The following MAGI2 variants were observed in gnomAD, a reference collection of about 807,000 sequenced individuals.
MAGI2 encodes the protein membrane associated guanylate kinase, WW and PDZ domain containing 2.
Under a neutral mutation model 133.3 loss-of-function variants are expected in MAGI2, and 35 were observed. That is an observed-to-expected ratio of 0.26 (90% confidence interval 0.20 to 0.35). The LOEUF is 0.35. MAGI2 is among the 10% of genes least tolerant of loss of function. The probability of loss-of-function intolerance (pLI) is 1.00; values close to 1 mark genes in which losing one functional copy is unlikely to be tolerated. For synonymous variants in MAGI2, 729 were observed against 710.6 expected (o/e 1.03, Z -0.41); for missense variants, 1,636 against 1,863.4 (o/e 0.88, Z 2.25).
intron 1 of MAGI2, among the ~76,000 whole-genome samples, chr7:79,089,675 AAACCCTCATTCTCAGCAAACT>A (rs1254970123): frequency 5.3e-5 from 8 of 152,126 alleles, no homozygotes; most frequent in African/African-American, 9.7e-5. Flanking sequence ...ATGAAGCTGG[AAACCCTCATTCTCAGCAAACT>A]AACCCTCATT....
intron 2 of MAGI2, among the ~76,000 whole-genome samples, chr7:78,701,811 C>T (rs925921049): frequency 4.6e-5 from 7 of 151,966 alleles, no homozygotes; most frequent in East Asian, 1.9e-4. Context: ...CTTATAATCA[C>T]GTTTTCACTT....
intron 2 of MAGI2, among the ~76,000 whole-genome samples, chr7:78,998,591 T>C (rs1051986841): frequency 2.6e-5 from 4 of 152,314 alleles, no homozygotes; most frequent in Admixed American, 2.0e-4. Flanking sequence ...ACTCTAGCAA[T>C]GCTATACTGC....
chr7:79,226,567 A>G (rs1830876558), intron 1 of MAGI2, among the ~76,000 whole-genome samples: 1 of 152,136 alleles, frequency 6.6e-6, no homozygotes, highest in African/African-American at 2.4e-5. Context: ...TTGATAGGAA[A>G]CAGGTTGAGC....
intron 21 of MAGI2, among the ~76,000 whole-genome samples, chr7:78,024,871 A>G (rs1309233051): frequency 6.6e-6 from 1 of 152,124 alleles, no homozygotes; most frequent in Non-Finnish European, 1.5e-5. Context: ...CTGCCAAGCT[A>G]TCATTTCTCA....
chr7:79,274,796 G>A lies in MAGI2; in HGVS notation c.301+178224C>T, dbSNP rs375558463. ...CAACATGATCACTTTGTGTCTCCAC[G>A]TCACATTTTAGTAATTCTCACAATA... On this transcript the variant is annotated intron_variant, in intron 1 of 21. Coordinates refer to ENST00000354212, the MANE Select transcript of MAGI2 (RefSeq NM_012301.4). Among the ~76,000 whole-genome samples, 16 of 152,128 alleles carry A rather than the reference G, an allele frequency of 1.1e-4. 1 individual carries two copies. The South Asian group carries it at 1.5e-3, about 14-fold the overall frequency.
chr7:78,103,325 G>C (rs967842954), intron 20 of MAGI2, among the ~76,000 whole-genome samples: 2 of 152,142 alleles, frequency 1.3e-5, no homozygotes, highest in Admixed American at 1.3e-4. Flanking sequence ...CTCATTTGTA[G>C]TCAGCCTTGT....
chr7:79,018,344 C>T (rs2191726), intron 1 of MAGI2, among the ~76,000 whole-genome samples: 89,371 of 151,892 alleles, frequency 0.59, 26,609 homozygotes, highest in East Asian at 0.63. Flanking sequence ...GAAAAGCAAA[C>T]GCTAAGGGAA....
At chr7:78,672,796 C>T (rs1371089991) in intron 2 of MAGI2, among the ~76,000 whole-genome samples, 1 of 152,118 alleles carries the variant, frequency 6.6e-6, no homozygotes, top group Non-Finnish European at 1.5e-5. Context: ...TTAACAAGCC[C>T]TTCAGGTGAT....
At chr7:78,671,354 C>A (rs908410488) in intron 2 of MAGI2, among the ~76,000 whole-genome samples, 6 of 150,008 alleles carry the variant, frequency 4.0e-5, no homozygotes, top group Admixed American at 6.7e-5. Context: ...CTCAGAGAAA[C>A]AAGGAAAAAT....
At chr7:79,215,482 T>G (rs1213102234) in intron 1 of MAGI2, among the ~76,000 whole-genome samples, 2 of 152,024 alleles carry the variant, frequency 1.3e-5, no homozygotes, top group Non-Finnish European at 2.9e-5. Context: ...CGGGGAGGCT[T>G]GATGTGCATT....
chr7:79,140,585 C>G lies in MAGI2; in HGVS notation c.302-133379G>C, dbSNP rs114541751. Among the ~76,000 whole-genome samples the G allele has an allele frequency of 4.7e-3, 708 of 152,180 alleles. 5 individuals are homozygous for G. Among genetic ancestry groups the G allele is most frequent in the African/African-American group, 0.016 (662 of 41,518 alleles). On this transcript the variant is annotated intron_variant, in intron 1 of 21. Transcript: ENST00000354212. ...ATGAAAAACAGTAAATCTGACCCCA[C>G]GATTAATGATTTGAGCATCAAAAAG...
At chr7:78,596,276 C>T (rs1804604979) in intron 3 of MAGI2, among the ~76,000 whole-genome samples, 3 of 151,666 alleles carry the variant, frequency 2.0e-5, no homozygotes, top group Admixed American at 2.0e-4. Flanking sequence ...GGGATGATAC[C>T]ACACTGGAGA....
intron 1 of MAGI2, chr7:79,009,097 G>A (rs1212161107): frequency 6.6e-6 from 1 of 151,924 alleles, no homozygotes; most frequent in Non-Finnish European, 1.5e-5. Flanking sequence ...GCCAACTATA[G>A]AACAACAGAT....
chr7:78,812,407 G>T (rs1400481030), intron 2 of MAGI2, among the ~76,000 whole-genome samples: 2 of 152,090 alleles, frequency 1.3e-5, no homozygotes, highest in African/African-American at 4.8e-5. Flanking sequence ...AAGCTTCTTA[G>T]CCTGGAGTTT....
chr7:79,280,118 A>G (rs191348120), intron 1 of MAGI2, among the ~76,000 whole-genome samples: 27 of 152,302 alleles, frequency 1.8e-4, no homozygotes, highest in African/African-American at 6.0e-4. Context: ...AGGATGTTCA[A>G]AAATATAATA....
intron 1 of MAGI2, among the ~76,000 whole-genome samples, chr7:79,290,207 C>T (rs1049411081): frequency 2.6e-5 from 4 of 151,958 alleles, no homozygotes; most frequent in Non-Finnish European, 5.9e-5. Context: ...ATAAGCAAAA[C>T]ACAGAAATTT....
intron 2 of MAGI2, among the ~76,000 whole-genome samples, chr7:78,995,201 G>T (rs538229499): frequency 6.6e-6 from 1 of 151,840 alleles, no homozygotes; most frequent in Non-Finnish European, 1.5e-5. Flanking sequence ...ATCTCATAAC[G>T]TCTTAAAAGA....
At chr7:78,743,344 G>A (rs1822607020) in intron 2 of MAGI2, among the ~76,000 whole-genome samples, 1 of 152,148 alleles carries the variant, frequency 6.6e-6, no homozygotes, top group Admixed American at 6.5e-5. Context: ...CACTACACAA[G>A]TGCTAAATGG....
chr7:79,138,900 C>T (rs920164657), intron 1 of MAGI2, among the ~76,000 whole-genome samples: 8 of 149,710 alleles, frequency 5.3e-5, no homozygotes, highest in Admixed American at 1.3e-4. Flanking sequence ...GGCGTGAACC[C>T]GGGAGGCGGA....
Sources: allele counts gnomAD v4.1 joint callset (sites outside exome capture counted in the v4.1 genomes callset), GRCh38; gene constraint gnomAD v4.1.1; transcripts MANE v1.5; gene names NCBI Gene and HGNC (gene_info 2026-07-23, HGNC 2026-07-21).